Variants in ADCY5 observed in about 807,000 individuals in gnomAD.
ADCY5 encodes adenylate cyclase 5.
A neutral mutation model predicts 119.7 loss-of-function variants in ADCY5; 30 were observed. The observed-to-expected ratio is 0.25, with a 90% CI of 0.19 to 0.34. The LOEUF is 0.34. Ranked by LOEUF, ADCY5 falls within the 10% of genes least tolerant of loss-of-function variation. The probability of loss-of-function intolerance (pLI) is 1.00; values close to 1 mark genes in which losing one functional copy is unlikely to be tolerated. For missense variants in ADCY5, 1,324 were observed against 1,775.2 expected, an observed-to-expected ratio of 0.75 and a Z score of 4.57; for synonymous variants, 753 against 762.2, an observed-to-expected ratio of 0.99 and a Z score of 0.20.
intron 18 of ADCY5, among the ~76,000 whole-genome samples, chr3:123,290,317 AC>A (rs1939064788): frequency 6.6e-6 from 1 of 152,028 alleles, no homozygotes; most frequent in African/African-American, 2.4e-5. Flanking sequence ...TTCTTTCCCT[AC>A]CCCCTGGCCC....
chr3:123,329,708 G>T (rs1049428209), intron 5 of ADCY5, among the ~76,000 whole-genome samples: 1 of 152,118 alleles, frequency 6.6e-6, no homozygotes, highest in Admixed American at 6.5e-5. Flanking sequence ...CCCAGTGGGT[G>T]GGACCACCAC....
intron 1 of ADCY5, among the ~76,000 whole-genome samples, chr3:123,414,634 G>A (rs1331913831): frequency 6.6e-6 from 1 of 152,116 alleles, no homozygotes; most frequent in Non-Finnish European, 1.5e-5. Context: ...TTGGTTCACT[G>A]TAACCTCTGC....
intron 1 of ADCY5, among the ~76,000 whole-genome samples, chr3:123,440,287 G>A (rs1250243043): frequency 3.3e-5 from 5 of 152,184 alleles, no homozygotes; most frequent in African/African-American, 4.8e-5. Context: ...AAGGCAGAGG[G>A]GACCATGAAA....
chr3:123,298,978 C>G (rs1939680856), intron 15 of ADCY5, among the ~76,000 whole-genome samples: 1 of 152,072 alleles, frequency 6.6e-6, no homozygotes, highest in African/African-American at 2.4e-5. Flanking sequence ...TCCAAATTAA[C>G]CTGCTTCAGG....
Position 123,300,143 on chromosome 3 carries a change from G to A in ADCY5, c.2877C>T (p.Asp959=). The A allele has an allele frequency of 6.2e-7, 1 of 1,613,892 alleles. No individual in the cohort carries two copies. Among genetic ancestry groups the A allele is most frequent in the Non-Finnish European group, 8.5e-7 (1 of 1,180,024 alleles). ...VPGVTLFDNA[D]LLVTANAIDF... ...ACATGGCGTTGGCGGTGACCAGCAG[G>A]TCGGCGTTGTCGAAGAGCGTGACAC... Residue 959 remains aspartate, a synonymous_variant, in exon 15 of 21, where the codon GAC becomes GAT. Transcript: ENST00000462833.
chr3:123,284,653 G>A lies in ADCY5; in HGVS notation c.3741C>T (p.Gly1247=), dbSNP rs751586992. Reference sequence around the variant, plus strand: ...CATTGAGGAAGTAGGTCATCATCTCGCCTTTGCCCTTGACCTTGACCACGC... The same window carrying A: ...CATTGAGGAAGTAGGTCATCATCTCACCTTTGCCCTTGACCTTGACCACGC... ...CRGVVKVKGK[G]EMMTYFLNGG... The change falls in exon 21 of 21, where the codon GGC becomes GGT. Residue 1247 remains glycine (G), a synonymous_variant. Coordinates refer to ENST00000462833, the MANE Select transcript of ADCY5 (RefSeq NM_183357.3). The A allele has an allele frequency of 1.2e-6, 2 of 1,614,238 alleles. No homozygotes were observed. The highest frequency in any genetic ancestry group is 1.7e-6 in the Non-Finnish European group (2 of 1,180,032).
At chr3:123,300,431 C>T (rs1939781068) in intron 14 of ADCY5, 136 bp from the exon 15 acceptor site, 2 of 1,031,898 alleles carry the variant, frequency 1.9e-6, no homozygotes, top group African/African-American at 1.6e-5. Context: ...AATTTCCCAA[C>T]AGGTGTGATA....
At chr3:123,318,143 G>A in intron 10 of ADCY5, 26 bp from the exon 11 acceptor site, 3 of 1,590,752 alleles carry the variant, frequency 1.9e-6, no homozygotes, top group African/African-American at 2.7e-5. Flanking sequence ...CAGGGTGAGA[G>A]GGGCCAAGGT....
chr3:123,396,438 AAAGG>A (rs375967682), intron 1 of ADCY5, among the ~76,000 whole-genome samples: 1 of 141,166 alleles, frequency 7.1e-6, no homozygotes, highest in African/African-American at 2.7e-5. Context: ...AGGGAAAGAG[AAAGG>A]AAGGAAGGGA....
At chr3:123,338,665 C>G (rs140394241) in intron 3 of ADCY5, among the ~76,000 whole-genome samples, 5 of 152,348 alleles carry the variant, frequency 3.3e-5, no homozygotes. Context: ...TGGCTGTGCA[C>G]GCTTCCCTAA....
At chr3:123,428,474 C>G (rs989539218) in intron 1 of ADCY5, among the ~76,000 whole-genome samples, 1 of 152,218 alleles carries the variant, frequency 6.6e-6, no homozygotes, top group South Asian at 2.1e-4. Context: ...TCCTCGCTCC[C>G]TTGCGTCCTC....
At chr3:123,435,706 T>A (rs1358879806) in intron 1 of ADCY5, among the ~76,000 whole-genome samples, 1 of 151,914 alleles carries the variant, frequency 6.6e-6, no homozygotes, top group Non-Finnish European at 1.5e-5. Flanking sequence ...AAGCCACACA[T>A]TTTTAAGAAG....
chr3:123,398,074 C>G (rs1559861515), intron 1 of ADCY5, among the ~76,000 whole-genome samples: 1 of 152,212 alleles, frequency 6.6e-6, no homozygotes, highest in Admixed American at 6.5e-5. Flanking sequence ...CTGGGTTACT[C>G]TACTGCCTCA....
At chr3:123,320,947 T>TG (rs376567396) in intron 8 of ADCY5, among the ~76,000 whole-genome samples, 176 bp from the exon 9 acceptor site, 5 of 152,330 alleles carry the variant, frequency 3.3e-5, no homozygotes, top group African/African-American at 1.2e-4. Context: ...AGAATACAGC[T>TG]GGGTTCTCCC....
intron 1 of ADCY5, among the ~76,000 whole-genome samples, chr3:123,366,626 CA>C (rs574590046): frequency 3.0e-3 from 459 of 152,288 alleles, no homozygotes; most frequent in African/African-American, 0.01. Context: ...TTATCTTACA[CA>C]CCACGAAACT....
At chr3:123,346,763 C>CT (rs1419444353) in intron 3 of ADCY5, among the ~76,000 whole-genome samples, 1 of 152,132 alleles carries the variant, frequency 6.6e-6, no homozygotes, top group African/African-American at 2.4e-5. Context: ...TCAGAGGACT[C>CT]GTGAGTCCTA....
At chr3:123,445,666 C>CTA (rs1162524901) in intron 1 of ADCY5, among the ~76,000 whole-genome samples, 2 of 152,140 alleles carry the variant, frequency 1.3e-5, no homozygotes, top group Non-Finnish European at 2.9e-5. Context: ...AAGCTGGTCT[C>CTA]TAAAGATTTT....
intron 1 of ADCY5, among the ~76,000 whole-genome samples, chr3:123,372,933 G>A (rs1943687490): frequency 6.6e-6 from 1 of 152,172 alleles, no homozygotes; most frequent in Non-Finnish European, 1.5e-5. Flanking sequence ...AGCCACCTTT[G>A]AACCCAGACA....
At position 123,284,717 on chromosome 3, in the gene ADCY5, T is replaced by C; in HGVS notation, c.3677A>G (p.Gln1226Arg). 1 of 1,614,230 alleles carries C rather than the reference T, an allele frequency of 6.2e-7. No individual in the cohort carries two copies. Among genetic ancestry groups the C allele is most frequent in the Non-Finnish European group, 8.5e-7 (1 of 1,180,042 alleles). The change falls in exon 21 of 21, where the codon CAG becomes CGG. Residue 1226 changes from glutamine to arginine, a missense_variant. Transcript: ENST00000462833. ...CTGGTACGTGTTGGCAGCCAGCACCTGGTACATGTCTGTGGTGACCTGTGG... is the reference window on the plus strand; with the variant it reads ...CTGGTACGTGTTGGCAGCCAGCACCCGGTACATGTCTGTGGTGACCTGTGG... ...DRIQVTTDMY[Q>R]VLAANTYQLE... is the part of the protein sequence containing the mutation.
Sources: allele counts gnomAD v4.1 joint callset (sites outside exome capture counted in the v4.1 genomes callset), GRCh38; gene constraint gnomAD v4.1.1; transcripts MANE v1.5; gene names NCBI Gene and HGNC (gene_info 2026-07-23, HGNC 2026-07-21).